AKR1B15: variants seen among roughly 807,000 people sequenced by gnomAD.
AKR1B15 encodes aldo-keto reductase family 1 member B15.
In AKR1B15, 49 loss-of-function variants were observed where a neutral mutation model predicts 38.5. The observed-to-expected ratio is 1.27, with a 90% CI of 1.01 to 1.62. AKR1B15 has a LOEUF of 1.62. AKR1B15 is among the 40% of genes most tolerant of loss of function. The pLI, the probability that AKR1B15 is intolerant of heterozygous loss-of-function variation, is 0.00. For synonymous variants in AKR1B15, 137 were observed against 135.5 expected, an observed-to-expected ratio of 1.01 and a Z score of -0.08; for missense variants, 411 against 381.6, an observed-to-expected ratio of 1.08 and a Z score of -0.64.
chr7:134,576,040 G>C, intron 8 of AKR1B15, 113 bp downstream of exon 8: 1 of 1,488,166 alleles, frequency 6.7e-7, no homozygotes, highest in Non-Finnish European at 9.0e-7. Context: ...TGTGTGTAAG[G>C]TAACACGTTT....
Position 134,565,398 on chromosome 7 carries a change from G to A in AKR1B15, c.150+629G>A, listed in dbSNP as rs913546326. On this transcript the variant is annotated intron_variant, in intron 3 of 11. Coordinates refer to ENST00000457545, the MANE Select transcript of AKR1B15 (RefSeq NM_001080538.3). Reference sequence around the variant, plus strand: ...TCATTCTTGAAGCCAGCGAGACCACGAACCCTCTGGAAGGAACCAACTCTG... The same window carrying A: ...TCATTCTTGAAGCCAGCGAGACCACAAACCCTCTGGAAGGAACCAACTCTG... 5.0e-6 allele frequency: 8 copies of A among 1,603,394 alleles called. No individual in the cohort carries two copies. The African/African-American group carries it at 5.4e-5, about 11-fold the overall frequency.
chr7:134,557,985 G>A (rs1378559311), intron 2 of AKR1B15, among the ~76,000 whole-genome samples: 8 of 152,042 alleles, frequency 5.3e-5, no homozygotes, highest in Non-Finnish European at 7.4e-5. Flanking sequence ...AACAAAAGAC[G>A]TTGATAAAAA....
chr7:134,559,309 A>T (rs533409192), intron 2 of AKR1B15, among the ~76,000 whole-genome samples: 1 of 152,314 alleles, frequency 6.6e-6, no homozygotes, highest in Admixed American at 6.5e-5. Flanking sequence ...GAGTGTTAAA[A>T]GTCCCAGTGG....
intron 10 of AKR1B15, among the ~76,000 whole-genome samples, 192 bp from the exon 11 acceptor site, chr7:134,577,512 C>T (rs1448757719): frequency 2.0e-5 from 3 of 152,184 alleles, no homozygotes; most frequent in Non-Finnish European, 4.4e-5. Context: ...ACACTGAGCA[C>T]TACAAATACT....
chr7:134,554,811 A>G (rs971986457), intron 1 of AKR1B15, among the ~76,000 whole-genome samples: 1 of 152,124 alleles, frequency 6.6e-6, no homozygotes, highest in African/African-American at 2.4e-5. Flanking sequence ...ATCCCTCAAC[A>G]TGGACTGCCT....
Position 134,568,195 on chromosome 7 carries a change from C to T in AKR1B15, c.188C>T (p.Ala63Val). Residue 63 changes from alanine (A) to valine (V), a missense_variant, in exon 4 of 12, where the codon GCC becomes GTC. By Grantham distance (64) the Ala-to-Val change is moderately conservative (BLOSUM62 0). This residue lies in a region of AKR1B15 where 254 missense variants were observed against 212.4 expected (regional missense o/e 1.20). Transcript: ENST00000457545. ...LGKVKEAVKV[A>V]IDAEYRHIDC... ...AAAGTGAAAGAAGCGGTGAAGGTGG[C>T]CATTGATGCAGAATATCGCCACATT... 1 of 1,614,052 alleles carries T rather than the reference C, an allele frequency of 6.2e-7. No individual in the cohort carries two copies. The highest frequency in any genetic ancestry group is 2.2e-5 in the East Asian group (1 of 44,854).
chr7:134,554,217 C>A (rs1794108076), intron 1 of AKR1B15, among the ~76,000 whole-genome samples: 1 of 152,106 alleles, frequency 6.6e-6, no homozygotes, highest in Non-Finnish European at 1.5e-5. Flanking sequence ...GGCCATTGCT[C>A]GTGGTAACCA....
chr7:134,555,544 G>T (rs2117612786), intron 1 of AKR1B15, among the ~76,000 whole-genome samples: 1 of 152,214 alleles, frequency 6.6e-6, no homozygotes, highest in East Asian at 1.9e-4. Context: ...GTTTCCACCT[G>T]TTATGTCCTC....
At chr7:134,567,857 T>G (rs1794574341) in intron 3 of AKR1B15, among the ~76,000 whole-genome samples, 1 of 152,170 alleles carries the variant, frequency 6.6e-6, no homozygotes, top group South Asian at 2.1e-4. Flanking sequence ...ATCATAAAAT[T>G]AATTCACTTT....
chr7:134,569,784 C>T, intron 5 of AKR1B15: 1 of 393,440 alleles, frequency 2.5e-6, no homozygotes, highest in South Asian at 2.9e-5. Context: ...ATTTCCTATG[C>T]CTGTCTTTAC....
chr7:134,551,506 G>A (rs1338682730), intron 1 of AKR1B15, among the ~76,000 whole-genome samples: 1 of 152,158 alleles, frequency 6.6e-6, no homozygotes, highest in Non-Finnish European at 1.5e-5. Context: ...TGAAGAGAGG[G>A]ACCATATCTG....
chr7:134,572,229 T>A (rs957588776), intron 6 of AKR1B15, among the ~76,000 whole-genome samples: 7 of 152,194 alleles, frequency 4.6e-5, no homozygotes, highest in Non-Finnish European at 1.0e-4. Context: ...GATTGGTTGG[T>A]GACTTGCCCA....
At chr7:134,575,659 T>C in intron 7 of AKR1B15, 117 bp downstream of exon 7, 1 of 1,576,916 alleles carries the variant, frequency 6.3e-7, no homozygotes, top group Non-Finnish European at 8.6e-7. Flanking sequence ...ATCAGGACAC[T>C]TTGGGGAGGT....
intron 3 of AKR1B15, chr7:134,565,485 C>T: frequency 6.2e-7 from 1 of 1,613,580 alleles, no homozygotes; most frequent in Non-Finnish European, 8.5e-7. Context: ...CCAACCATGG[C>T]CACGTTTGTG....
intron 10 of AKR1B15, among the ~76,000 whole-genome samples, chr7:134,577,497 C>G (rs374837747): frequency 1.3e-5 from 2 of 152,190 alleles, no homozygotes; most frequent in African/African-American, 2.4e-5. Context: ...CTCCCTCCCC[C>G]CAGAACACTG....
Position 134,569,403 on chromosome 7 carries a change from C to T in AKR1B15, c.319-10C>T. On this transcript the variant is annotated splice_polypyrimidine_tract_variant and intron_variant, in intron 4 of 11. Transcript: ENST00000457545. The stretch of plus-strand genomic sequence containing the variant: ...CCAGTATTACTAGCTCATTGCTACA[C>T]TCTTTGCAGGTGTGGCCCACTTTCT... The T allele has an allele frequency of 6.2e-7, 1 of 1,613,978 alleles. No individual in the cohort carries two copies. Among genetic ancestry groups the T allele is most frequent in the Non-Finnish European group, 8.5e-7 (1 of 1,179,870 alleles).
chr7:134,561,055 T>G (rs190259983), intron 2 of AKR1B15, among the ~76,000 whole-genome samples: 230 of 152,340 alleles, frequency 1.5e-3, no homozygotes, highest in African/African-American at 5.3e-3. Flanking sequence ...TATTTTTCTT[T>G]TAGGGACCTC....
chr7:134,571,712 G>A (rs2117663219), intron 6 of AKR1B15, 31 bp downstream of exon 6: 2 of 1,554,206 alleles, frequency 1.3e-6, no homozygotes. Flanking sequence ...AGTGTGCTGG[G>A]AGAGAAATCC....
intron 1 of AKR1B15, among the ~76,000 whole-genome samples, chr7:134,553,291 A>C (rs1161842957): frequency 6.6e-6 from 1 of 152,190 alleles, no homozygotes; most frequent in Non-Finnish European, 1.5e-5. Flanking sequence ...TGGACTGACA[A>C]AGAAGAACAG....
Sources: allele counts gnomAD v4.1 joint callset (sites outside exome capture counted in the v4.1 genomes callset), GRCh38; gene constraint gnomAD v4.1.1; regional missense constraint gnomAD v4.1.1; transcripts MANE v1.5; gene names NCBI Gene and HGNC (gene_info 2026-07-23, HGNC 2026-07-21).